OSBPL9: variants seen among roughly 807,000 people sequenced by gnomAD.
OSBPL9 encodes the protein oxysterol binding protein like 9.
OSBPL9 carries 40 observed loss-of-function variants against 106.6 expected under a neutral mutation model. That is an observed-to-expected ratio of 0.38 (90% CI 0.29 to 0.49). The LOEUF is 0.49. OSBPL9 is among the 20% of genes least tolerant of loss of function. OSBPL9 has a pLI of 0.97. For missense variants in OSBPL9, 609 were observed against 887.2 expected, an observed-to-expected ratio of 0.69 and a Z score of 3.98; for synonymous variants, 269 against 295.4, an observed-to-expected ratio of 0.91 and a Z score of 0.92.
intron 1 of OSBPL9, among the ~76,000 whole-genome samples, chr1:51,618,491 A>C (rs904355602): frequency 3.0e-4 from 45 of 152,218 alleles, no homozygotes; most frequent in African/African-American, 1.1e-3. Flanking sequence ...AATGCCCAGA[A>C]AGCTTTAGAA....
the OSBPL9 span, among the ~76,000 whole-genome samples, chr1:51,571,951 C>T: frequency 4.6e-5 from 7 of 152,148 alleles, no homozygotes; most frequent in African/African-American, 1.7e-4. Context: ...GGGACAACAA[C>T]CAAGAAACCA....
At chr1:51,557,191 C>T in the OSBPL9 span, among the ~76,000 whole-genome samples, 1 of 152,074 alleles carries the variant, frequency 6.6e-6, no homozygotes, top group South Asian at 2.1e-4. Context: ...ATAAGAAAGG[C>T]TTTTATTTGG....
intron 4 of OSBPL9, among the ~76,000 whole-genome samples, chr1:51,727,158 G>C (rs897053397): frequency 1.4e-5 from 2 of 140,198 alleles, no homozygotes; most frequent in African/African-American, 5.3e-5. Context: ...TTTTTTACTG[G>C]CTTAGAGAAC....
At chr1:51,590,032 CA>C (rs941103745) in intron 1 of OSBPL9, among the ~76,000 whole-genome samples, 5,261 of 50,272 alleles carry the variant, frequency 0.1, 44 homozygotes, top group Non-Finnish European at 0.13. Context: ...GACTCCGTCT[CA>C]AAAAAAAAAA....
chr1:51,733,000 A>AC (rs1218910480), intron 4 of OSBPL9, among the ~76,000 whole-genome samples: 1 of 152,102 alleles, frequency 6.6e-6, no homozygotes, highest in Non-Finnish European at 1.5e-5. Flanking sequence ...TGCTTAGATT[A>AC]CCCCACTGTA....
At chr1:51,568,747 C>G in the OSBPL9 span, among the ~76,000 whole-genome samples, 2 of 151,918 alleles carry the variant, frequency 1.3e-5, no homozygotes, top group Non-Finnish European at 2.9e-5. Context: ...TTCTTTTTCT[C>G]GAGACGGAGT....
intron 4 of OSBPL9, among the ~76,000 whole-genome samples, chr1:51,734,097 A>G (rs1665105383): frequency 6.6e-6 from 1 of 152,226 alleles, no homozygotes. Flanking sequence ...TTAAATAAAT[A>G]TATGTGTCAT....
chr1:51,641,287 A>G (rs1385453176), intron 1 of OSBPL9, among the ~76,000 whole-genome samples: 1 of 152,206 alleles, frequency 6.6e-6, no homozygotes, highest in African/African-American at 2.4e-5. Flanking sequence ...CCTCTTTTAT[A>G]AGGGAATTAA....
At chr1:51,606,777 G>T (rs181350103) in intron 2 of OSBPL9, among the ~76,000 whole-genome samples, 1 of 152,092 alleles carries the variant, frequency 6.6e-6, no homozygotes, top group Admixed American at 6.6e-5. Flanking sequence ...TGCCGGGCGC[G>T]GTGGCTCACG....
chr1:51,683,531 G>A (rs1202534802), intron 3 of OSBPL9, among the ~76,000 whole-genome samples: 3 of 151,758 alleles, frequency 2.0e-5, no homozygotes, highest in Admixed American at 1.3e-4. Flanking sequence ...GGTGGCTCAT[G>A]CCTGTAATTC....
intron 1 of OSBPL9, among the ~76,000 whole-genome samples, chr1:51,630,059 G>A (rs1187012489): frequency 1.3e-5 from 2 of 152,058 alleles, no homozygotes; most frequent in Non-Finnish European, 1.5e-5. Context: ...GGGGACGGAG[G>A]AGATGGGGAG....
chr1:51,712,097 C>T (rs1161380127), intron 3 of OSBPL9, among the ~76,000 whole-genome samples: 10 of 152,080 alleles, frequency 6.6e-5, no homozygotes, highest in Non-Finnish European at 8.8e-5. Context: ...GCCGAGATCA[C>T]GCCACTGCAC....
chr1:51,531,145 G>A, the OSBPL9 span, among the ~76,000 whole-genome samples: 2 of 140,790 alleles, frequency 1.4e-5, no homozygotes, highest in Non-Finnish European at 3.1e-5. Context: ...GTGTGGTGGT[G>A]CATGTGCCTG....
At chr1:51,588,047 TC>T (rs1462769676) in intron 1 of OSBPL9, among the ~76,000 whole-genome samples, 1 of 152,230 alleles carries the variant, frequency 6.6e-6, no homozygotes, top group Non-Finnish European at 1.5e-5. Context: ...AATAGGATCT[TC>T]CTTATAGAAC....
chr1:51,665,661 G>T (rs1391323029), intron 2 of OSBPL9, among the ~76,000 whole-genome samples: 1 of 152,150 alleles, frequency 6.6e-6, no homozygotes, highest in African/African-American at 2.4e-5. Flanking sequence ...ATACACTGAA[G>T]AATGCTCAGG....
At chr1:51,761,423 T>G (rs79997246) in intron 10 of OSBPL9, among the ~76,000 whole-genome samples, 2,782 of 152,296 alleles carry the variant, frequency 0.018, 47 homozygotes, top group African/African-American at 0.044. Context: ...TACTGTAAAA[T>G]GGAAAACTCT....
chr1:51,721,812 A>T (rs1269257541), intron 4 of OSBPL9, among the ~76,000 whole-genome samples: 1 of 152,224 alleles, frequency 6.6e-6, no homozygotes, highest in African/African-American at 2.4e-5. Context: ...TGGTTGCAAT[A>T]CAGATGTGTC....
At chr1:51,540,281 T>G in the OSBPL9 span, among the ~76,000 whole-genome samples, 5 of 152,118 alleles carry the variant, frequency 3.3e-5, no homozygotes, top group African/African-American at 1.2e-4. Flanking sequence ...AGTAGGTCCC[T>G]CCCTACTCCT....
chr1:51,662,805 C>T lies in OSBPL9; in HGVS notation c.163-6629C>T, dbSNP rs1414809533. The stretch of plus-strand genomic sequence containing the variant: ...TGTCGCCCAGGGTGGAGTGCAGTGG[C>T]GTGATCTCGGCTCACTGTAAGCTCC... On this transcript the variant is annotated intron_variant, in intron 2 of 23. Transcript: ENST00000428468. 5.7e-5 allele frequency among the ~76,000 whole-genome samples: 8 copies of T among 140,542 alleles called. 1 individual carries two copies. In the East Asian group the frequency reaches 8.4e-4, roughly 15 times the overall value. 92.2% of individuals were successfully genotyped at this position (140,542 alleles called of 152,430 possible).
Sources: allele counts gnomAD v4.1 joint callset (sites outside exome capture counted in the v4.1 genomes callset), GRCh38; gene constraint gnomAD v4.1.1; transcripts MANE v1.5; gene names NCBI Gene and HGNC (gene_info 2026-07-23, HGNC 2026-07-21).